FHOD3: variants seen among roughly 807,000 people sequenced by gnomAD.
FHOD3 encodes the protein formin homology 2 domain containing 3.
In FHOD3, 90 loss-of-function variants were observed where a neutral mutation model predicts 173.0. The ratio of observed to expected loss-of-function variants is 0.52; its 90% CI spans 0.44 to 0.62. The LOEUF (loss-of-function observed/expected upper bound fraction) is 0.62, where lower values mean the gene tolerates loss of function less well. Ranked by LOEUF, FHOD3 falls within the 20% of genes least tolerant of loss-of-function variation. The probability of loss-of-function intolerance (pLI) is 0.00; values close to 1 mark genes in which losing one functional copy is unlikely to be tolerated. For missense variants in FHOD3, 1,945 were observed against 2,034.7 expected, an observed-to-expected ratio of 0.96 and a Z score of 0.85; for synonymous variants, 828 against 823.0, an observed-to-expected ratio of 1.01 and a Z score of -0.10.
At chr18:36,612,856 T>G (rs2032832326) in intron 9 of FHOD3, among the ~76,000 whole-genome samples, 1 of 152,212 alleles carries the variant, frequency 6.6e-6, no homozygotes, top group African/African-American at 2.4e-5. Flanking sequence ...CCGACTGCAC[T>G]GTTTTTACAT....
intron 10 of FHOD3, among the ~76,000 whole-genome samples, chr18:36,628,380 G>A (rs1599944456): frequency 6.6e-6 from 1 of 152,172 alleles, no homozygotes; most frequent in African/African-American, 2.4e-5. Flanking sequence ...TTCTTCAAGC[G>A]AGATGATTAG....
Position 36,405,887 on chromosome 18 carries a change from T to G in FHOD3, c.337+33143T>G, listed in dbSNP as rs557906255. 3.3e-5 allele frequency among the ~76,000 whole-genome samples: 5 copies of G among 152,348 alleles called. No individual in the cohort carries two copies. In the South Asian group the frequency reaches 1.0e-3, roughly 32 times the overall value. On this transcript the variant is annotated intron_variant, in intron 3 of 28. Transcript: ENST00000590592. ...CGGTTAAATGAAGTGAGGCTCTGTT[T>G]CTATTTAAAACATGGCATTTCAAGT...
At chr18:36,357,301 C>T (rs1344967790) in intron 2 of FHOD3, among the ~76,000 whole-genome samples, 1 of 152,182 alleles carries the variant, frequency 6.6e-6, no homozygotes, top group Non-Finnish European at 1.5e-5. Flanking sequence ...CTGCGGCTAA[C>T]ACTTTACTAG....
chr18:36,328,977 G>A (rs1286607049), intron 1 of FHOD3, among the ~76,000 whole-genome samples: 2 of 152,340 alleles, frequency 1.3e-5, no homozygotes, highest in East Asian at 3.9e-4. Context: ...ACAGTGGGGA[G>A]TGAGCAAGGC....
In FHOD3 at chr18:36,560,842, GTT is replaced by G. The variant is rs1318480145; in HGVS notation, c.512-15598_512-15597del. Among the ~76,000 whole-genome samples the G allele has an allele frequency of 2.4e-5, 3 of 127,594 alleles. No homozygotes were observed. In the East Asian group the frequency reaches 7.1e-4, roughly 30 times the overall value. The allele number at this position is 127,594 out of a possible 152,430, so 83.7% of individuals were successfully genotyped here. A position where few individuals can be genotyped will look rare whatever the true frequency, so the allele number is the denominator to read the frequency against. On this transcript the variant is annotated intron_variant, in intron 5 of 28. Coordinates refer to ENST00000590592, the MANE Select transcript of FHOD3 (RefSeq NM_001281740.3). ...AGAGCAGCTGTTTTTTTTTTTTTCT[GTT>G]TTTTTTTTTTGTTTCTTTGTTTAAG...
intron 1 of FHOD3, among the ~76,000 whole-genome samples, chr18:36,354,669 G>T (rs557016113): frequency 2.9e-4 from 44 of 152,128 alleles, no homozygotes; most frequent in Non-Finnish European, 5.7e-4. Context: ...GGCTAGGCAT[G>T]GTGGTGGGTG....
intron 5 of FHOD3, among the ~76,000 whole-genome samples, chr18:36,554,883 T>A (rs1046569026): frequency 7.9e-5 from 12 of 152,356 alleles, no homozygotes; most frequent in Admixed American, 2.0e-4. Context: ...CAGATTTTCT[T>A]ATTTTATATC....
intron 25 of FHOD3, among the ~76,000 whole-genome samples, chr18:36,756,505 G>A (rs184524697): frequency 2.7e-3 from 413 of 152,200 alleles, no homozygotes; most frequent in Non-Finnish European, 4.5e-3. Context: ...GATTTTTGCT[G>A]GGGGAGGAAG....
chr18:36,560,842 G>GTTTTTTTTT (rs1318480145), intron 5 of FHOD3, among the ~76,000 whole-genome samples: 5 of 127,564 alleles, frequency 3.9e-5, no homozygotes, highest in Admixed American at 1.6e-4. Flanking sequence ...TTTTTTTTCT[G>GTTTTTTTTT]TTTTTTTTTT....
intron 17 of FHOD3, among the ~76,000 whole-genome samples, chr18:36,705,947 C>CTGTGTGTG (rs3222016): frequency 1.5e-3 from 210 of 142,796 alleles, no homozygotes; most frequent in African/African-American, 3.4e-3. Flanking sequence ...TCAGAAGGAA[C>CTGTGTGTG]TGTGTGTGTG....
chr18:36,345,331 C>T (rs904130097), intron 1 of FHOD3, among the ~76,000 whole-genome samples: 10 of 151,950 alleles, frequency 6.6e-5, no homozygotes, highest in Non-Finnish European at 1.3e-4. Flanking sequence ...AAGAAGAAAT[C>T]CCAGTGAAAT....
chr18:36,696,214 C>T (rs2039273343), intron 17 of FHOD3, among the ~76,000 whole-genome samples: 1 of 152,132 alleles, frequency 6.6e-6, no homozygotes, highest in Non-Finnish European at 1.5e-5. Flanking sequence ...TTCTGATGCC[C>T]ATCTCAGCCA....
chr18:36,535,613 T>TA (rs2056964080), intron 5 of FHOD3, among the ~76,000 whole-genome samples: 2 of 152,194 alleles, frequency 1.3e-5, no homozygotes, highest in Admixed American at 1.3e-4. Context: ...GAGTATACTT[T>TA]AAAATAAATG....
At chr18:36,685,413 GT>G (rs1270916307) in intron 15 of FHOD3, among the ~76,000 whole-genome samples, 4 of 152,172 alleles carry the variant, frequency 2.6e-5, no homozygotes, top group Non-Finnish European at 1.5e-5. Context: ...TTCTAAAGTA[GT>G]TCCTGAGGTT....
chr18:36,605,370 G>A lies in FHOD3; in HGVS notation c.813+2602G>A, dbSNP rs574629906. ...GGTACTTTGTTGCTAATCACTGGCAGAGACCCAGTGCCTGTCACCCTCTGT... is the reference window on the plus strand; with the variant it reads ...GGTACTTTGTTGCTAATCACTGGCAAAGACCCAGTGCCTGTCACCCTCTGT... On this transcript the variant is annotated intron_variant, in intron 8 of 28. Transcript: ENST00000590592. Among the ~76,000 whole-genome samples, 120 of 152,314 alleles carry A rather than the reference G, an allele frequency of 7.9e-4. 3 individuals carry two copies. In the South Asian group the frequency reaches 0.024, roughly 31 times the overall value.
At chr18:36,630,533 AT>A (rs980065946) in intron 10 of FHOD3, among the ~76,000 whole-genome samples, 2 of 152,200 alleles carry the variant, frequency 1.3e-5, no homozygotes, top group African/African-American at 4.8e-5. Flanking sequence ...ATACACATCC[AT>A]CACTCCAAAA....
chr18:36,653,971 C>T (rs2036239461), intron 13 of FHOD3, among the ~76,000 whole-genome samples: 1 of 152,192 alleles, frequency 6.6e-6, no homozygotes, highest in Non-Finnish European at 1.5e-5. Flanking sequence ...ACCAGAGTCA[C>T]TCAGCTAGTA....
At chr18:36,441,162 C>A (rs575390125) in intron 3 of FHOD3, among the ~76,000 whole-genome samples, 1 of 152,126 alleles carries the variant, frequency 6.6e-6, no homozygotes, top group Non-Finnish European at 1.5e-5. Context: ...GCCCAGCAAG[C>A]AGGAGCTCAG....
intron 3 of FHOD3, among the ~76,000 whole-genome samples, chr18:36,418,717 C>A (rs952880894): frequency 2.0e-5 from 3 of 152,044 alleles, no homozygotes; most frequent in African/African-American, 7.2e-5. Context: ...GTGTTTGAGA[C>A]CACCGTGGGC....
Sources: gnomAD v4.1 joint callset for allele counts (sites outside exome capture counted in the v4.1 genomes callset) on GRCh38, gnomAD v4.1.1 for gene constraint, MANE v1.5 for transcripts, NCBI Gene and HGNC (gene_info 2026-07-23, HGNC 2026-07-21) for gene names.